GTF2A1: variants seen among roughly 807,000 people sequenced by gnomAD.
The protein encoded by GTF2A1 is transcription initiation factor IIA subunit 1.
A neutral mutation model predicts 54.1 loss-of-function variants in GTF2A1; 12 were observed. The ratio of observed to expected loss-of-function variants is 0.22; its 90% CI spans 0.14 to 0.36. GTF2A1 has a LOEUF of 0.36. Ranked by LOEUF, GTF2A1 falls within the 10% of genes least tolerant of loss-of-function variation. GTF2A1 has a pLI of 1.00. For missense variants in GTF2A1, 335 were observed against 442.2 expected, an observed-to-expected ratio of 0.76 and a Z score of 2.17; for synonymous variants, 145 against 152.0, an observed-to-expected ratio of 0.95 and a Z score of 0.34.
chr14:81,185,375 A>G (rs1831375838), intron 8 of GTF2A1, among the ~76,000 whole-genome samples, 156 bp downstream of exon 8: 1 of 150,446 alleles, frequency 6.6e-6, no homozygotes, highest in South Asian at 2.1e-4. Context: ...TTCTATTAAA[A>G]TAATCCACAA....
chr14:81,204,073 G>A lies in GTF2A1; in HGVS notation c.164C>T (p.Ala55Val). 1 of 1,613,136 alleles carries A rather than the reference G, an allele frequency of 6.2e-7. No homozygotes were observed. ...CTCTTCTGAATGAAATCCATCTACTGCCCTGGACTGCATTAGTTTGTTTTC... is the reference window on the plus strand; with the variant it reads ...CTCTTCTGAATGAAATCCATCTACTACCCTGGACTGCATTAGTTTGTTTTC... ...LWENKLMQSRAVDGFHSEEQQ... is the reference protein window; with the variant it reads ...LWENKLMQSRVVDGFHSEEQQ... The change falls in exon 3 of 9, where the codon GCA (alanine) becomes GTA (valine). Residue 55 changes from alanine (A) to valine (V), a missense_variant. Coordinates refer to ENST00000553612, the MANE Select transcript of GTF2A1 (RefSeq NM_015859.4).
Position 81,183,657 on chromosome 14 carries a change from G to A in GTF2A1, c.1023+1874C>T, listed in dbSNP as rs961293719. On this transcript the variant is annotated intron_variant, in intron 8 of 8. Transcript: ENST00000553612. ...CCTCTTAAATTTCCTAATTAAAAAT[G>A]TGTTAAAGCAAGTTTACCTACATCT... 2.0e-4 allele frequency among the ~76,000 whole-genome samples: 31 copies of A among 152,310 alleles called. 1 individual carries two copies. Among genetic ancestry groups the A allele is most frequent in the Admixed American group, 1.0e-3 (16 of 15,304 alleles).
intron 4 of GTF2A1, among the ~76,000 whole-genome samples, chr14:81,201,134 G>C (rs1329913743): frequency 6.6e-6 from 1 of 152,080 alleles, no homozygotes; most frequent in East Asian, 1.9e-4. Context: ...ACACTATAAT[G>C]ACTTATTAGA....
chr14:81,210,546 C>T (rs964200485), intron 2 of GTF2A1, among the ~76,000 whole-genome samples: 3 of 152,064 alleles, frequency 2.0e-5, no homozygotes, highest in Non-Finnish European at 4.4e-5. Context: ...ATCATACTAA[C>T]ATACGTTTTT....
intron 2 of GTF2A1, among the ~76,000 whole-genome samples, chr14:81,214,627 C>T (rs923388883): frequency 6.7e-6 from 1 of 148,734 alleles, no homozygotes; most frequent in African/African-American, 2.5e-5. Context: ...GCCTGGGTGA[C>T]AGAGCGAAAC....
chr14:81,215,640 T>A (rs992322521), intron 2 of GTF2A1, among the ~76,000 whole-genome samples: 2 of 152,156 alleles, frequency 1.3e-5, no homozygotes, highest in Non-Finnish European at 2.9e-5. Context: ...TCGGCCTACA[T>A]AAAGGGTCTA....
chr14:81,211,875 T>TCATATATA (rs1419902730), intron 2 of GTF2A1, among the ~76,000 whole-genome samples: 12 of 68,494 alleles, frequency 1.8e-4, no homozygotes, highest in African/African-American at 6.1e-4. Context: ...ATCAAGTACT[T>TCATATATA]TATATATATA....
chr14:81,209,824 C>A, intron 2 of GTF2A1: 1 of 719,010 alleles, frequency 1.4e-6, no homozygotes, highest in Non-Finnish European at 2.1e-6. Context: ...GAAAAGCCAT[C>A]ACTCACTGCC....
chr14:81,210,382 T>C (rs1312741903), intron 2 of GTF2A1, among the ~76,000 whole-genome samples: 1 of 152,110 alleles, frequency 6.6e-6, no homozygotes, highest in African/African-American at 2.4e-5. Context: ...GTTTAAACAA[T>C]GAGGCCGGGC....
At chr14:81,196,034 G>A (rs1892985855) in intron 6 of GTF2A1, 74 bp downstream of exon 6, 3 of 1,359,186 alleles carry the variant, frequency 2.2e-6, no homozygotes, top group South Asian at 2.4e-5. Flanking sequence ...CATATAAGGA[G>A]AGGGAAACTA....
chr14:81,199,323 A>G (rs560715260), intron 4 of GTF2A1, among the ~76,000 whole-genome samples: 4 of 152,158 alleles, frequency 2.6e-5, no homozygotes, highest in Admixed American at 6.6e-5. Flanking sequence ...CTTATACTTA[A>G]TAACTATTAA....
intron 2 of GTF2A1, among the ~76,000 whole-genome samples, chr14:81,214,077 G>A (rs1031363019): frequency 6.6e-6 from 1 of 151,798 alleles, no homozygotes; most frequent in African/African-American, 2.4e-5. Context: ...TCCTCACACA[G>A]GAATATTCTT....
Position 81,175,633 on chromosome 14 carries a change from A to G in GTF2A1, c.*4590T>C, listed in dbSNP as rs1372762683. The G allele has an allele frequency of 1.3e-5, 2 of 152,190 alleles. No homozygotes were observed. The highest frequency in any genetic ancestry group is 4.8e-5 in the African/African-American group (2 of 41,450). 9.4% of individuals were successfully genotyped at this position (152,190 alleles called of 1,614,324 possible). A position where few individuals can be genotyped will look rare whatever the true frequency, so the allele number is the denominator to read the frequency against. ...TTATTATCTTCTAAAATAACACAAAATATATTCAATACGCAATACAAACCT... is the reference window on the plus strand; with the variant it reads ...TTATTATCTTCTAAAATAACACAAAGTATATTCAATACGCAATACAAACCT... On this transcript the variant is annotated 3_prime_UTR_variant, in exon 9 of 9. Coordinates refer to ENST00000553612, the MANE Select transcript of GTF2A1 (RefSeq NM_015859.4).
chr14:81,186,610 T>G (rs1595208869), intron 7 of GTF2A1, among the ~76,000 whole-genome samples: 1 of 152,190 alleles, frequency 6.6e-6, no homozygotes, highest in East Asian at 1.9e-4. Flanking sequence ...TTCTAATAAA[T>G]GCAGAAAGAG....
Position 81,210,074 on chromosome 14 carries a change from T to C in GTF2A1, c.133-5970A>G, listed in dbSNP as rs529666540. 5.9e-4 allele frequency: 195 copies of C among 330,552 alleles called. 2 individuals are homozygous for C. Among genetic ancestry groups the C allele is most frequent in the African/African-American group, 4.2e-3 (186 of 44,776 alleles). The allele number at this position is 330,552 out of a possible 1,614,324, so 20.5% of individuals were successfully genotyped here. A position where few individuals can be genotyped will look rare whatever the true frequency, so the allele number is the denominator to read the frequency against. On this transcript the variant is annotated intron_variant, in intron 2 of 8. Coordinates refer to ENST00000553612, the MANE Select transcript of GTF2A1 (RefSeq NM_015859.4). ...CAAGAAATATGCAGGAATTGCAACA[T>C]TCCTGGCTCCTGCCTAATAAATGCG...
At chr14:81,211,410 C>T (rs1893360948) in intron 2 of GTF2A1, among the ~76,000 whole-genome samples, 1 of 152,202 alleles carries the variant, frequency 6.6e-6, no homozygotes, top group African/African-American at 2.4e-5. Flanking sequence ...CTGCTAAGTA[C>T]TGTATATGTC....
At position 81,204,074 on chromosome 14, in the gene GTF2A1, C is replaced by T. The variant is rs1444155041; in HGVS notation, c.163G>A (p.Ala55Thr). The change falls in exon 3 of 9, where the codon GCA becomes ACA. Residue 55 changes from alanine to threonine, a missense_variant. Around this residue, in one of 2 missense-constraint regions of GTF2A1, gnomAD observed 306 missense variants for 360.4 expected, o/e 0.85. Transcript: ENST00000553612. The stretch of plus-strand genomic sequence containing the variant: ...TCTTCTGAATGAAATCCATCTACTG[C>T]CCTGGACTGCATTAGTTTGTTTTCC... ...LWENKLMQSR[A>T]VDGFHSEEQQ... The T allele has an allele frequency of 1.2e-6, 2 of 1,613,310 alleles. No individual in the cohort carries two copies. The highest frequency in any genetic ancestry group is 3.3e-5 in the Admixed American group (2 of 59,994).
In GTF2A1 at chr14:81,175,651, A is replaced by C. The variant is rs1566846995; in HGVS notation, c.*4572T>G. ...ACACAAAATATATTCAATACGCAAT[A>C]CAAACCTCAGTAATCCAATTCTCCT... On this transcript the variant is annotated 3_prime_UTR_variant, in exon 9 of 9. Coordinates refer to ENST00000553612, the MANE Select transcript of GTF2A1 (RefSeq NM_015859.4). 1.3e-5 allele frequency: 2 copies of C among 152,224 alleles called. No homozygotes were observed. Among genetic ancestry groups the C allele is most frequent in the Admixed American group, 1.3e-4 (2 of 15,280 alleles). The allele number at this position is 152,224 out of a possible 1,614,324, so 9.4% of individuals were successfully genotyped here.
chr14:81,206,091 T>A (rs1042667940), intron 2 of GTF2A1, among the ~76,000 whole-genome samples: 2 of 152,254 alleles, frequency 1.3e-5, no homozygotes, highest in African/African-American at 4.8e-5. Flanking sequence ...CTAAATTTTA[T>A]GCTTCACTTT....
Sources: allele counts gnomAD v4.1 joint callset (sites outside exome capture counted in the v4.1 genomes callset), GRCh38; gene constraint gnomAD v4.1.1; regional missense constraint gnomAD v4.1.1; transcripts MANE v1.5; gene names NCBI Gene and HGNC (gene_info 2026-07-23, HGNC 2026-07-21).